The following KNTC1 variants were observed in gnomAD, a reference collection of about 807,000 sequenced individuals.
KNTC1 encodes the protein kinetochore associated 1.
A neutral mutation model predicts 314.4 loss-of-function variants in KNTC1; 253 were observed. That is an observed-to-expected ratio of 0.80 (90% CI 0.73 to 0.89). The LOEUF (loss-of-function observed/expected upper bound fraction) is 0.89. Ranked by LOEUF, KNTC1 falls within the 40% of genes least tolerant of loss-of-function variation. The pLI is 0.00. For synonymous variants in KNTC1, 901 were observed against 901.4 expected (o/e 1.00, Z 0.01); for missense variants, 2,475 against 2,572.9 (o/e 0.96, Z 0.82).
At chr12:122,534,533 A>T in intron 2 of KNTC1, 131 bp from the exon 3 acceptor site, 1 of 771,138 alleles carries the variant, frequency 1.3e-6, no homozygotes, top group Non-Finnish European at 2.1e-6. Context: ...TTAATTAGAT[A>T]GAGGGGCTAA....
In KNTC1 at chr12:122,586,734, T is replaced by G. The variant is rs1869368881; in HGVS notation, c.3707T>G (p.Leu1236Trp). The change falls in exon 38 of 64, where the codon TTG becomes TGG. Residue 1236 changes from leucine to tryptophan, a missense_variant. Transcript: ENST00000333479. Reference sequence around the variant, plus strand: ...AGATATCCCTTGGAGTCTACCAGTTTGCCATACTGCTCCCTTAATGAAGGT... The same window carrying G: ...AGATATCCCTTGGAGTCTACCAGTTGGCCATACTGCTCCCTTAATGAAGGT... Reference protein sequence around the residue: ...SKRYPLESTSLPYCSLNEGDG... With the variant: ...SKRYPLESTSWPYCSLNEGDG... The G allele has an allele frequency of 6.7e-7, 1 of 1,487,434 alleles. No homozygotes were observed. Among genetic ancestry groups the G allele is most frequent in the South Asian group, 1.4e-5 (1 of 71,190 alleles). 92.1% of individuals were successfully genotyped at this position (1,487,434 alleles called of 1,614,324 possible).
chr12:122,606,697 G>T (rs1199647711), intron 51 of KNTC1, among the ~76,000 whole-genome samples: 1 of 151,630 alleles, frequency 6.6e-6, no homozygotes, highest in African/African-American at 2.4e-5. Flanking sequence ...AGTAAAAAAA[G>T]AATTCCTATA....
rs758705414 is a variant in KNTC1 at position 122,622,603 on chromosome 12, TTAAGG to T, written c.6515+1_6515+5del. On this transcript the variant is annotated splice_donor_variant and coding_sequence_variant, in exon 62 of 64. Coordinates refer to ENST00000333479, the MANE Select transcript of KNTC1 (RefSeq NM_014708.6). LOFTEE classifies it high-confidence loss of function. ...GCTAGTGAACTATTTGGCAAATGACTTAAGGTAAGTTAATTAAAAAAAAAAAAACT... is the reference window on the plus strand; with the variant it reads ...GCTAGTGAACTATTTGGCAAATGACTTAAGTTAATTAAAAAAAAAAAAACT... The T allele has an allele frequency of 1.1e-5, 16 of 1,507,538 alleles. No individual in the cohort carries two copies. The highest frequency in any genetic ancestry group is 7.2e-5 in the African/African-American group (5 of 69,908). The allele number at this position is 1,507,538 out of a possible 1,614,324, so 93.4% of individuals were successfully genotyped here. A position where few individuals can be genotyped will look rare whatever the true frequency, so the allele number is the denominator to read the frequency against.
chr12:122,622,236 G>C (rs1874516115), intron 61 of KNTC1, among the ~76,000 whole-genome samples: 1 of 152,126 alleles, frequency 6.6e-6, no homozygotes, highest in Non-Finnish European at 1.5e-5. Context: ...AAGTCTCAAA[G>C]TGCACAACAA....
intron 57 of KNTC1, among the ~76,000 whole-genome samples, chr12:122,616,672 C>T (rs1218735137): frequency 6.6e-6 from 1 of 152,208 alleles, no homozygotes; most frequent in Admixed American, 6.5e-5. Context: ...GTTGTTTTCA[C>T]ATAACAGTGG....
chr12:122,562,826 A>G (rs1171459461), intron 20 of KNTC1, 127 bp downstream of exon 20: 1 of 579,908 alleles, frequency 1.7e-6, no homozygotes, highest in South Asian at 1.7e-5. Context: ...CCTGGCCAAC[A>G]TGGCAAAACC....
At chr12:122,530,549 C>G (rs1004013086) in intron 2 of KNTC1, among the ~76,000 whole-genome samples, 2 of 151,194 alleles carry the variant, frequency 1.3e-5, no homozygotes, top group African/African-American at 4.9e-5. Flanking sequence ...CTCCCAGATT[C>G]AAGTGATTCT....
At chr12:122,611,071 C>G (rs1873064771) in intron 53 of KNTC1, 171 bp downstream of exon 53, 4 of 610,614 alleles carry the variant, frequency 6.6e-6, no homozygotes, top group Non-Finnish European at 1.2e-5. Context: ...GCACCATGCT[C>G]CATTTAGTTC....
chr12:122,542,119 T>C lies in KNTC1; in HGVS notation c.515T>C (p.Ile172Thr). 2 of 1,495,602 alleles carry C rather than the reference T, an allele frequency of 1.3e-6. No individual in the cohort carries two copies. Among genetic ancestry groups the C allele is most frequent in the Non-Finnish European group, 1.8e-6 (2 of 1,093,748 alleles). 92.6% of individuals were successfully genotyped at this position (1,495,602 alleles called of 1,614,324 possible). ...FCITNLQLLK[I>T]QQAIENVDFS... is the part of the protein sequence containing the mutation. ...ATTACAAACCTTCAGCTTTTAAAAA[T>C]TCAACAAGGTAAGTAATACATTATA... is the stretch of plus-strand genomic sequence containing the variant. The change falls in exon 6 of 64, where the codon ATT (isoleucine) becomes ACT (threonine). Residue 172 changes from isoleucine (I) to threonine (T), a missense_variant. Transcript: ENST00000333479.
chr12:122,607,252 T>C (rs901200125), intron 51 of KNTC1, among the ~76,000 whole-genome samples: 10 of 152,130 alleles, frequency 6.6e-5, no homozygotes, highest in African/African-American at 2.4e-4. Flanking sequence ...TTAGTAGAGA[T>C]GGGGTTTCAC....
chr12:122,615,470 A>AT lies in KNTC1; in HGVS notation c.5976dup (p.Pro1993SerfsTer44). On this transcript the variant is annotated frameshift_variant and splice_region_variant, in exon 57 of 64. Transcript: ENST00000333479. LOFTEE classifies it high-confidence loss of function. Reference sequence around the variant, plus strand: ...CTTTTTTATTTTTAATTTTTTACAGATTCCTTATCTAAGGAAAGTTTTAAA... The same window carrying AT: ...CTTTTTTATTTTTAATTTTTTACAGATTTCCTTATCTAAGGAAAGTTTTAAA... 1 of 1,513,768 alleles carries AT rather than the reference A, an allele frequency of 6.6e-7. No homozygotes were observed. The highest frequency in any genetic ancestry group is 8.9e-7 in the Non-Finnish European group (1 of 1,127,064). The allele number at this position is 1,513,768 out of a possible 1,614,324, so 93.8% of individuals were successfully genotyped here.
intron 55 of KNTC1, 53 bp from the exon 56 acceptor site, chr12:122,614,938 T>G (rs572075948): frequency 7.6e-7 from 1 of 1,308,018 alleles, no homozygotes; most frequent in South Asian, 1.3e-5. Flanking sequence ...CAAAGATGGC[T>G]TGATTTACTG....
At chr12:122,590,968 C>T (rs943434985) in intron 41 of KNTC1, among the ~76,000 whole-genome samples, 2 of 152,042 alleles carry the variant, frequency 1.3e-5, no homozygotes, top group African/African-American at 4.8e-5. Flanking sequence ...AATCTGTGTA[C>T]ACCCTTAGAA....
chr12:122,618,525 G>A lies in KNTC1; in HGVS notation c.6129G>A (p.Glu2043=). Residue 2043 remains glutamate, a synonymous_variant, in exon 59 of 64, where the codon GAG becomes GAA. Transcript: ENST00000333479. ...LSPDQLSDCS[E]SLIAVLECPV... ...CTGATCAGCTGTCAGATTGTTCTGAGAGTCTCATCGCTGTCCTCGAGTAAG... is the reference window on the plus strand; with the variant it reads ...CTGATCAGCTGTCAGATTGTTCTGAAAGTCTCATCGCTGTCCTCGAGTAAG... The A allele has an allele frequency of 6.2e-7, 1 of 1,610,786 alleles. No homozygotes were observed. Among genetic ancestry groups the A allele is most frequent in the Non-Finnish European group, 8.5e-7 (1 of 1,179,574 alleles).
intron 20 of KNTC1, among the ~76,000 whole-genome samples, chr12:122,564,513 C>T (rs1430246588): frequency 6.6e-6 from 1 of 152,066 alleles, no homozygotes; most frequent in Non-Finnish European, 1.5e-5. Flanking sequence ...GGTGCAGTGG[C>T]TCACGCCTGT....
intron 52 of KNTC1, 44 bp downstream of exon 52, chr12:122,609,474 A>C (rs1328479990): frequency 7.9e-7 from 1 of 1,260,754 alleles, no homozygotes; most frequent in Non-Finnish European, 1.1e-6. Flanking sequence ...CGTGATGCAA[A>C]ATAGAAATCT....
At chr12:122,588,574 T>A in intron 39 of KNTC1, 138 bp from the exon 40 acceptor site, 1 of 586,588 alleles carries the variant, frequency 1.7e-6, no homozygotes. Context: ...CCCCCACCCC[T>A]TTCTAGCACT....
At chr12:122,529,585 T>C (rs898672092) in intron 1 of KNTC1, among the ~76,000 whole-genome samples, 11 of 152,256 alleles carry the variant, frequency 7.2e-5, no homozygotes, top group African/African-American at 2.7e-4. Context: ...TCTGGAATCT[T>C]ATCATCCTAT....
Position 122,602,604 on chromosome 12 carries a change from A to G in KNTC1, c.4689A>G (p.Arg1563=). 1 of 1,611,862 alleles carries G rather than the reference A, an allele frequency of 6.2e-7. No individual in the cohort carries two copies. Among genetic ancestry groups the G allele is most frequent in the Non-Finnish European group, 8.5e-7 (1 of 1,178,432 alleles). The change falls in exon 46 of 64, where the codon AGA becomes AGG. Residue 1563 remains arginine (R), a synonymous_variant. Transcript: ENST00000333479. ...TTCTGAAACATTTGAAGTCATACAG[A>G]AGAATTTCTCCTCCCGTGGATCTAG... ...LSILKHLKSY[R]RISPPVDLEY... is the part of the protein sequence containing the mutation.
Sources: allele counts gnomAD v4.1 joint callset (sites outside exome capture counted in the v4.1 genomes callset), GRCh38; gene constraint gnomAD v4.1.1; transcripts MANE v1.5; gene names NCBI Gene and HGNC (gene_info 2026-07-23, HGNC 2026-07-21).